Variants in ASAP3 observed in about 807,000 individuals in gnomAD.
The protein encoded by ASAP3 is ArfGAP with SH3 domain, ankyrin repeat and PH domain 3.
In ASAP3, 85 loss-of-function variants were observed where a neutral mutation model predicts 118.2. The observed-to-expected ratio is 0.72, with a 90% CI of 0.60 to 0.86. ASAP3 has a LOEUF of 0.86. Ranked by LOEUF, ASAP3 falls within the 40% of genes least tolerant of loss-of-function variation. The pLI is 0.00. For missense variants in ASAP3, 1,026 were observed against 1,175.0 expected (o/e 0.87, Z 1.85); for synonymous variants, 432 against 477.4 (o/e 0.90, Z 1.24).
intron 1 of ASAP3, among the ~76,000 whole-genome samples, chr1:23,457,119 AC>A (rs1641414358): frequency 6.6e-6 from 1 of 152,122 alleles, no homozygotes; most frequent in Non-Finnish European, 1.5e-5. Context: ...GAAGGGGCCC[AC>A]AGATGAGAAA....
At chr1:23,483,630 C>T (rs1642383455) in intron 1 of ASAP3, among the ~76,000 whole-genome samples, 1 of 152,160 alleles carries the variant, frequency 6.6e-6, no homozygotes, top group Non-Finnish European at 1.5e-5. Context: ...GGGAAGCCTG[C>T]CTCTCAGAAG....
At chr1:23,435,773 G>A (rs1640627038) in intron 17 of ASAP3, 78 bp downstream of exon 17, 6 of 1,534,942 alleles carry the variant, frequency 3.9e-6, no homozygotes, top group Non-Finnish European at 5.4e-6. Context: ...GTGGAGGGGA[G>A]TAACAGCTGG....
Position 23,429,779 on chromosome 1 carries a change from C to A in ASAP3, c.*77G>T. 1 of 1,421,034 alleles carries A rather than the reference C, an allele frequency of 7.0e-7. No homozygotes were observed. The highest frequency in any genetic ancestry group is 9.7e-7 in the Non-Finnish European group (1 of 1,029,688). The allele number at this position is 1,421,034 out of a possible 1,614,324, so 88.0% of individuals were successfully genotyped here. ...AGATCCAAGAGAACAAATGTCTCAG[C>A]TCCCCAGTTTTGTGAGCTCAAGTCC... is the stretch of plus-strand genomic sequence containing the variant. On this transcript the variant is annotated 3_prime_UTR_variant, in exon 25 of 25. Coordinates refer to ENST00000336689, the MANE Select transcript of ASAP3 (RefSeq NM_017707.4).
rs577277489 is a variant in ASAP3, at chr1:23,431,899, G to C, written c.2343C>G (p.Ser781Arg). The change falls in exon 23 of 25, where the codon AGC becomes AGG. Residue 781 changes from serine (S) to arginine (R), a missense_variant. Physicochemically the swap from Ser to Arg is moderately radical, Grantham distance 110. Coordinates refer to ENST00000336689, the MANE Select transcript of ASAP3 (RefSeq NM_017707.4). ...GGGTCTCAGGGGCCTCTGAACTCAGGCTGGAGACTTCAGAACGATCTGGAA... is the reference window on the plus strand; with the variant it reads ...GGGTCTCAGGGGCCTCTGAACTCAGCCTGGAGACTTCAGAACGATCTGGAA... ...HASGDRSEVS[S>R]LSSEAPETPE... The C allele has an allele frequency of 2.4e-5, 39 of 1,613,020 alleles. No homozygotes were observed. In the South Asian group the frequency reaches 4.3e-4, roughly 18 times the overall value.
At position 23,456,076 on chromosome 1, in the gene ASAP3, G is replaced by C. The variant is rs758949442; in HGVS notation, c.202+46C>G. On this transcript the variant is annotated intron_variant, in intron 2 of 24. Coordinates refer to ENST00000336689, the MANE Select transcript of ASAP3 (RefSeq NM_017707.4). ...GGAGTTAGCTCCAGGCTGGGGCTGG[G>C]AGAGGGGCTTCCTGACCAGGCGGGG... 1.9e-6 allele frequency: 3 copies of C among 1,613,962 alleles called. No individual in the cohort carries two copies. In the African/African-American group the frequency reaches 4.0e-5, roughly 22 times the overall value.
intron 24 of ASAP3, among the ~76,000 whole-genome samples, chr1:23,430,363 C>T (rs566084313): frequency 6.6e-5 from 10 of 152,262 alleles, no homozygotes; most frequent in Middle Eastern, 3.4e-3. Flanking sequence ...GGCTTCTTTC[C>T]CAACACAACT....
At position 23,437,562 on chromosome 1, in the gene ASAP3, C is replaced by T. The variant is rs1640723314; in HGVS notation, c.1103-90G>A. On this transcript the variant is annotated intron_variant, in intron 12 of 24. Transcript: ENST00000336689. This position sits in a 1 kb window ranked among gnomAD's most constrained non-coding sequence, Gnocchi z 6.1. ...GCCCCCACCAAAGCCGCTGGGGCCA[C>T]ATGGAGATGTGTCCCTGACAAGTCG... 1.3e-6 allele frequency: 2 copies of T among 1,502,328 alleles called. No homozygotes were observed. Among genetic ancestry groups the T allele is most frequent in the Non-Finnish European group, 1.8e-6 (2 of 1,093,442 alleles). The allele number at this position is 1,502,328 out of a possible 1,614,324, so 93.1% of individuals were successfully genotyped here. A position where few individuals can be genotyped will look rare whatever the true frequency, so the allele number is the denominator to read the frequency against.
intron 1 of ASAP3, among the ~76,000 whole-genome samples, chr1:23,483,070 CAA>C (rs945101831): frequency 1.4e-5 from 2 of 145,398 alleles, no homozygotes; most frequent in Non-Finnish European, 3.0e-5. Context: ...GTCACCCTGA[CAA>C]GAGAGAAGAG....
chr1:23,436,506 T>G lies in ASAP3; in HGVS notation c.1571+54A>C. 1.9e-6 allele frequency: 3 copies of G among 1,588,564 alleles called. No individual in the cohort carries two copies. Among genetic ancestry groups the G allele is most frequent in the Non-Finnish European group, 2.6e-6 (3 of 1,156,874 alleles). On this transcript the variant is annotated intron_variant, in intron 16 of 24. Coordinates refer to ENST00000336689, the MANE Select transcript of ASAP3 (RefSeq NM_017707.4). This position sits in a 1 kb window ranked among gnomAD's most constrained non-coding sequence, Gnocchi z 4.2. ...AAGACTTTTCTACGACCCTGGACAC[T>G]GCGGAGGCAGAATCCCCTAGGCAGG...
rs1371762993 is a variant in ASAP3 at position 23,429,529 on chromosome 1, C to T, written c.*327G>A. ...TGCCCTTGTGAAGCCCCCAGACTGA[C>T]GGGGGAAATAGAGTCTCGATCTGAT... On this transcript the variant is annotated 3_prime_UTR_variant, in exon 25 of 25. Coordinates refer to ENST00000336689, the MANE Select transcript of ASAP3 (RefSeq NM_017707.4). 8 of 201,886 alleles carry T rather than the reference C, an allele frequency of 4.0e-5. No homozygotes were observed. Among genetic ancestry groups the T allele is most frequent in the East Asian group, 1.2e-4 (1 of 8,630 alleles). 12.5% of individuals were successfully genotyped at this position (201,886 alleles called of 1,614,324 possible).
At position 23,438,809 on chromosome 1, in the gene ASAP3, G is replaced by T. The variant is rs1244767462; in HGVS notation, c.1040C>A (p.Thr347Asn). 21 of 1,614,098 alleles carry T rather than the reference G, an allele frequency of 1.3e-5. No homozygotes were observed. The highest frequency in any genetic ancestry group is 1.7e-5 in the Admixed American group (1 of 60,000). ...STINRPPVKL[T>N]LLTCQVRPNP... ...TGGCCTCACTTGGCACGTCAGCAGG[G>T]TCAGCTTCACCGGGGGCCGGTTTAT... Residue 347 changes from threonine to asparagine, a missense_variant, in exon 12 of 25, where the codon ACC becomes AAC. By Grantham distance (65) the Thr-to-Asn change is moderately conservative. Transcript: ENST00000336689. This position sits in a 1 kb window ranked among gnomAD's most constrained non-coding sequence, Gnocchi z 4.9.
intron 1 of ASAP3, among the ~76,000 whole-genome samples, chr1:23,473,714 GGGAGAGAA>G (rs1289734190): frequency 2.6e-5 from 4 of 152,120 alleles, no homozygotes; most frequent in Non-Finnish European, 5.9e-5. Context: ...GACAAATTTG[GGGAGAGAA>G]GGAGACTTTG....
In ASAP3 at chr1:23,436,706, C is replaced by A; in HGVS notation, c.1477-52G>T. On this transcript the variant is annotated intron_variant, in intron 15 of 24. Transcript: ENST00000336689. This position sits in a 1 kb window ranked among gnomAD's most constrained non-coding sequence, Gnocchi z 4.2. ...GGCGGAGTAAGACCGGGCGGTTAAG[C>A]CTGCATAGGGTGGAGCTCCAAGCCC... The A allele has an allele frequency of 1.2e-6, 2 of 1,607,608 alleles. No homozygotes were observed. Among genetic ancestry groups the A allele is most frequent in the Non-Finnish European group, 1.7e-6 (2 of 1,174,326 alleles).
At chr1:23,463,624 T>C (rs1641666436) in intron 1 of ASAP3, among the ~76,000 whole-genome samples, 1 of 152,186 alleles carries the variant, frequency 6.6e-6, no homozygotes, top group Non-Finnish European at 1.5e-5. Context: ...ATTTTTGAGA[T>C]GGAATCTCGC....
intron 1 of ASAP3, among the ~76,000 whole-genome samples, chr1:23,475,626 G>A (rs1642103902): frequency 6.6e-6 from 1 of 152,118 alleles, no homozygotes; most frequent in South Asian, 2.1e-4. Context: ...CTCACATACT[G>A]CCTTCTTGAC....
At chr1:23,478,441 G>T (rs1161147643) in intron 1 of ASAP3, among the ~76,000 whole-genome samples, 1 of 148,950 alleles carries the variant, frequency 6.7e-6, no homozygotes. Context: ...CTCCAGCCTG[G>T]GTGACAAGAG....
intron 1 of ASAP3, among the ~76,000 whole-genome samples, chr1:23,464,491 C>T (rs373454248): frequency 6.6e-6 from 1 of 151,260 alleles, no homozygotes; most frequent in African/African-American, 2.4e-5. Context: ...CCGACCATTA[C>T]AAAAAATTTT....
intron 3 of ASAP3, among the ~76,000 whole-genome samples, chr1:23,453,598 A>G (rs1641293578): frequency 6.6e-6 from 1 of 152,026 alleles, no homozygotes; most frequent in South Asian, 2.1e-4. Flanking sequence ...CCCTTTTAAA[A>G]ATTTAACCTA....
chr1:23,471,940 A>G (rs10917385), intron 1 of ASAP3, among the ~76,000 whole-genome samples: 5,764 of 152,292 alleles, frequency 0.038, 144 homozygotes, highest in Middle Eastern at 0.15. Flanking sequence ...AACACAACCC[A>G]GACAACACGG....
Sources: gnomAD v4.1 joint callset for allele counts (sites outside exome capture counted in the v4.1 genomes callset) on GRCh38, gnomAD v4.1.1 for gene constraint, Gnocchi (gnomAD v3.1) non-coding constraint, MANE v1.5 for transcripts, NCBI Gene and HGNC (gene_info 2026-07-23, HGNC 2026-07-21) for gene names.